ZCWPW2: variants seen among roughly 807,000 people sequenced by gnomAD.
The protein encoded by ZCWPW2 is zinc finger CW-type PWWP domain protein 2.
In ZCWPW2, 45 loss-of-function variants were observed where a neutral mutation model predicts 46.6. The observed-to-expected ratio is 0.96, with a 90% confidence interval of 0.76 to 1.24. The LOEUF (loss-of-function observed/expected upper bound fraction) is 1.24, where lower values mean the gene tolerates loss of function less well. ZCWPW2 is among the 50% of genes most tolerant of loss of function. The pLI is 0.00. For missense variants in ZCWPW2, 429 were observed against 403.9 expected (o/e 1.06, Z -0.53); for synonymous variants, 152 against 137.1 (o/e 1.11, Z -0.76).
intron 1 of ZCWPW2, among the ~76,000 whole-genome samples, chr3:28,361,183 C>G (rs940579898): frequency 2.0e-5 from 3 of 152,128 alleles, no homozygotes; most frequent in Non-Finnish European, 4.4e-5. Flanking sequence ...GACAGACACA[C>G]AGACCAATGG....
At chr3:28,450,144 CTGAT>C (rs1214090936) in intron 4 of ZCWPW2, among the ~76,000 whole-genome samples, 2 of 152,156 alleles carry the variant, frequency 1.3e-5, no homozygotes, top group Admixed American at 6.5e-5. Flanking sequence ...GAGAGAACCT[CTGAT>C]TAAGTTTTTC....
At chr3:28,367,743 G>A (rs933758472) in intron 1 of ZCWPW2, among the ~76,000 whole-genome samples, 4 of 152,076 alleles carry the variant, frequency 2.6e-5, no homozygotes, top group African/African-American at 4.8e-5. Flanking sequence ...TTGACAGTAG[G>A]GTGTTAAAGT....
intron 2 of ZCWPW2, among the ~76,000 whole-genome samples, chr3:28,392,593 A>C (rs1423767269): frequency 6.6e-6 from 1 of 152,204 alleles, no homozygotes; most frequent in Admixed American, 6.5e-5. Flanking sequence ...TAACAAATTT[A>C]GGAAGATTGA....
intron 7 of ZCWPW2, among the ~76,000 whole-genome samples, chr3:28,514,793 A>G (rs1409168732): frequency 6.6e-6 from 1 of 152,198 alleles, no homozygotes; most frequent in African/African-American, 2.4e-5. Context: ...CAAATAAGCC[A>G]CAGATGACAA....
rs569617571 is a variant in ZCWPW2, at chr3:28,429,633, G to A, written c.333-5477G>A. Among the ~76,000 whole-genome samples, 158 of 152,284 alleles carry A rather than the reference G, an allele frequency of 1.0e-3. 2 individuals carry two copies. The highest frequency in any genetic ancestry group is 3.5e-3 in the African/African-American group (146 of 41,574). The stretch of plus-strand genomic sequence containing the variant: ...AAGACAATGGGGAAAATGTCTCCAG[G>A]GCATATCAGAGGTCTTCATGGTAGC... On this transcript the variant is annotated intron_variant, in intron 3 of 9. Coordinates refer to ENST00000383768, the MANE Select transcript of ZCWPW2 (RefSeq NM_001040432.4).
intron 6 of ZCWPW2, among the ~76,000 whole-genome samples, chr3:28,498,482 T>TTA (rs1700054969): frequency 6.6e-6 from 1 of 152,032 alleles, no homozygotes; most frequent in Non-Finnish European, 1.5e-5. Context: ...TACAAAGCAA[T>TTA]TATAATAACA....
At chr3:28,513,389 G>A (rs1700479686) in intron 6 of ZCWPW2, among the ~76,000 whole-genome samples, 1 of 151,936 alleles carries the variant, frequency 6.6e-6, no homozygotes, top group African/African-American at 2.4e-5. Flanking sequence ...TAGACCTAGT[G>A]TTTTCATTCT....
intron 3 of ZCWPW2, among the ~76,000 whole-genome samples, chr3:28,417,715 G>A (rs1185018253): frequency 4.7e-4 from 54 of 115,998 alleles, no homozygotes; most frequent in African/African-American, 1.8e-3. Flanking sequence ...TTCAACATAC[G>A]AAAATCAATA....
At chr3:28,500,176 C>T (rs988874294) in intron 6 of ZCWPW2, among the ~76,000 whole-genome samples, 5 of 151,850 alleles carry the variant, frequency 3.3e-5, no homozygotes, top group Admixed American at 6.6e-5. Flanking sequence ...TTGCAAATGC[C>T]GTAATTGTCA....
chr3:28,376,151 A>G lies in ZCWPW2; in HGVS notation c.-133-14347A>G, dbSNP rs543857869. Among the ~76,000 whole-genome samples, 3 of 152,178 alleles carry G rather than the reference A, an allele frequency of 2.0e-5. No homozygotes were observed. The South Asian group carries it at 6.2e-4, about 32-fold the overall frequency. ...TATACTGATTTCCTTTCTTTTGGGT[A>G]TATACCCAGCAGTGGGATTGCTGGT... On this transcript the variant is annotated intron_variant, in intron 1 of 9. Coordinates refer to ENST00000383768, the MANE Select transcript of ZCWPW2 (RefSeq NM_001040432.4).
At chr3:28,400,796 A>T (rs1407156594) in intron 2 of ZCWPW2, among the ~76,000 whole-genome samples, 2 of 152,228 alleles carry the variant, frequency 1.3e-5, no homozygotes, top group Non-Finnish European at 2.9e-5. Flanking sequence ...AAACGCTCTA[A>T]ATCTTGAAAG....
chr3:28,445,391 A>G (rs953225053), intron 4 of ZCWPW2, among the ~76,000 whole-genome samples: 1 of 152,050 alleles, frequency 6.6e-6, no homozygotes, highest in Admixed American at 6.6e-5. Context: ...TAAAGATGAA[A>G]TTTCGTGACA....
chr3:28,512,963 A>G (rs1046450043), intron 6 of ZCWPW2, among the ~76,000 whole-genome samples: 12 of 152,168 alleles, frequency 7.9e-5, no homozygotes. Flanking sequence ...ATAAAATTAG[A>G]TGAATTTTTA....
At chr3:28,482,393 T>C (rs978311031) in intron 5 of ZCWPW2, among the ~76,000 whole-genome samples, 2 of 151,952 alleles carry the variant, frequency 1.3e-5, no homozygotes, top group African/African-American at 4.8e-5. Flanking sequence ...TTTAAAATCA[T>C]TCACCTATGA....
At chr3:28,420,147 G>T (rs1370752363) in intron 3 of ZCWPW2, among the ~76,000 whole-genome samples, 5 of 151,066 alleles carry the variant, frequency 3.3e-5, no homozygotes, top group Non-Finnish European at 7.4e-5. Flanking sequence ...CTTCAGTTCT[G>T]CTCTGATCTT....
intron 5 of ZCWPW2, among the ~76,000 whole-genome samples, chr3:28,480,379 CTGTT>C (rs773558895): frequency 3.3e-5 from 5 of 151,878 alleles, no homozygotes; most frequent in African/African-American, 2.4e-5. Context: ...TGAAAATTGT[CTGTT>C]TGTGTCCTTT....
At chr3:28,406,325 TC>T (rs1238610914) in intron 2 of ZCWPW2, among the ~76,000 whole-genome samples, 3 of 152,182 alleles carry the variant, frequency 2.0e-5, no homozygotes, top group African/African-American at 7.2e-5. Context: ...GAAGCCAATA[TC>T]TATTATCCAA....
In ZCWPW2 at chr3:28,389,672, C is replaced by A. The variant is rs112502583; in HGVS notation, c.-133-826C>A. ...AACAATTCCCAGTACCAGAATCTGT[C>A]TTAGAGTTCTTCAGAGAAACAGAAC... On this transcript the variant is annotated intron_variant, in intron 1 of 9. Transcript: ENST00000383768. Among the ~76,000 whole-genome samples, 662 of 152,220 alleles carry A rather than the reference C, an allele frequency of 4.3e-3. 5 individuals are homozygous for A. Among genetic ancestry groups the A allele is most frequent in the Middle Eastern group, 0.017 (5 of 294 alleles).
chr3:28,407,815 T>TTTGTCATTG, intron 2 of ZCWPW2, among the ~76,000 whole-genome samples: 1 of 152,192 alleles, frequency 6.6e-6, no homozygotes, highest in East Asian at 1.9e-4. Context: ...TAGCTTTGCA[T>TTTGTCATTG]TTGTCATTGT....
Sources: allele counts gnomAD v4.1 joint callset (sites outside exome capture counted in the v4.1 genomes callset), GRCh38; gene constraint gnomAD v4.1.1; transcripts MANE v1.5; gene names NCBI Gene and HGNC (gene_info 2026-07-23, HGNC 2026-07-21).